The following OLFM3 variants were observed in gnomAD, a reference collection of about 807,000 sequenced individuals.
OLFM3 encodes the protein olfactomedin 3.
OLFM3 carries 20 observed loss-of-function variants against 48.6 expected under a neutral mutation model. That is an observed-to-expected ratio of 0.41 (90% CI 0.29 to 0.60). The LOEUF (loss-of-function observed/expected upper bound fraction) is 0.60, where lower values mean the gene tolerates loss of function less well. Ranked by LOEUF, OLFM3 falls within the 20% of genes least tolerant of loss-of-function variation. The pLI is 0.28. For missense variants in OLFM3, 437 were observed against 544.3 expected (o/e 0.80, Z 1.96); for synonymous variants, 222 against 198.1 (o/e 1.12, Z -1.01).
chr1:101,825,105 A>T lies in OLFM3; in HGVS notation c.513T>A (p.Ile171=). The stretch of plus-strand genomic sequence containing the variant: ...GTAGTTCCTCGTAGTCATAGGCACC[A>T]ATTTCCTCCTGAATACCAGTGAGGA... ...SAVLTGIQEE[I]GAYDYEELHQ... The change falls in exon 4 of 6, where the codon ATT becomes ATA. Residue 171 remains isoleucine, a synonymous_variant. Coordinates refer to ENST00000370103, the MANE Select transcript of OLFM3 (RefSeq NM_058170.4). 1 of 1,614,044 alleles carries T rather than the reference A, an allele frequency of 6.2e-7. No individual in the cohort carries two copies. Among genetic ancestry groups the T allele is most frequent in the Non-Finnish European group, 8.5e-7 (1 of 1,179,964 alleles).
At chr1:101,834,992 A>AT (rs1350654979) in intron 2 of OLFM3, among the ~76,000 whole-genome samples, 2 of 152,094 alleles carry the variant, frequency 1.3e-5, no homozygotes, top group African/African-American at 4.8e-5. Flanking sequence ...CTTTATTTTA[A>AT]TTTTTTCAAC....
intron 1 of OLFM3, among the ~76,000 whole-genome samples, chr1:101,888,252 C>T (rs937357879): frequency 6.6e-6 from 1 of 152,050 alleles, no homozygotes; most frequent in Non-Finnish European, 1.5e-5. Context: ...TCAAACTATG[C>T]TACAAGGCTA....
intron 1 of OLFM3, among the ~76,000 whole-genome samples, chr1:101,946,970 T>C (rs997051070): frequency 1.3e-5 from 2 of 152,162 alleles, no homozygotes; most frequent in African/African-American, 4.8e-5. Flanking sequence ...AAGATAAAAT[T>C]AAGTGCTTTC....
At chr1:101,949,418 A>G (rs971446504) in intron 1 of OLFM3, among the ~76,000 whole-genome samples, 1 of 152,216 alleles carries the variant, frequency 6.6e-6, no homozygotes, top group East Asian at 1.9e-4. Context: ...AAATTGTCTC[A>G]TATACCTTAT....
At chr1:101,989,556 T>A (rs921593139) in intron 1 of OLFM3, among the ~76,000 whole-genome samples, 3 of 152,094 alleles carry the variant, frequency 2.0e-5, no homozygotes, top group Non-Finnish European at 2.9e-5. Flanking sequence ...GTGAGTGGGG[T>A]CTATTCTAGA....
At chr1:101,989,756 G>A (rs369026479) in intron 1 of OLFM3, among the ~76,000 whole-genome samples, 1 of 152,178 alleles carries the variant, frequency 6.6e-6, no homozygotes, top group East Asian at 1.9e-4. Context: ...AGTCTCTACT[G>A]AGAAGAGCAA....
intron 2 of OLFM3, among the ~76,000 whole-genome samples, chr1:101,835,114 AG>A (rs141152145): frequency 0.011 from 1,697 of 152,264 alleles, 32 homozygotes; most frequent in African/African-American, 0.039. Context: ...CTCTCACCTT[AG>A]TTTATATAGA....
intron 1 of OLFM3, among the ~76,000 whole-genome samples, chr1:101,921,933 C>T (rs145467993): frequency 0.01 from 1,569 of 152,140 alleles, 29 homozygotes; most frequent in African/African-American, 0.035. Context: ...GTGGCGGGTG[C>T]CTGTAGTCCC....
chr1:101,816,454 T>C (rs183679988), intron 4 of OLFM3, among the ~76,000 whole-genome samples: 1 of 152,338 alleles, frequency 6.6e-6, no homozygotes, highest in East Asian at 1.9e-4. Flanking sequence ...TGAGTAATCA[T>C]GTGCCTATCT....
chr1:101,813,229 A>T (rs1654155931), intron 4 of OLFM3: 1 of 411,748 alleles, frequency 2.4e-6, no homozygotes, highest in Non-Finnish European at 4.1e-6. Flanking sequence ...AGTGCACTAA[A>T]TATTTGTCAA....
intron 1 of OLFM3, among the ~76,000 whole-genome samples, chr1:101,902,586 G>A (rs1357242656): frequency 6.6e-6 from 1 of 152,060 alleles, no homozygotes; most frequent in African/African-American, 2.4e-5. Flanking sequence ...ATGTTTATAA[G>A]AAAGATGGTC....
chr1:101,850,133 A>G (rs1405087307), intron 1 of OLFM3, among the ~76,000 whole-genome samples: 1 of 121,124 alleles, frequency 8.3e-6, no homozygotes, highest in Non-Finnish European at 1.8e-5. Context: ...ACAGTCCTTC[A>G]AAATAACAAA....
chr1:101,925,978 T>C (rs7550811), intron 1 of OLFM3, among the ~76,000 whole-genome samples: 57,716 of 152,002 alleles, frequency 0.38, 11,930 homozygotes, highest in South Asian at 0.62. Context: ...ATTTTTAAGA[T>C]GAGAACTCTG....
intron 5 of OLFM3, among the ~76,000 whole-genome samples, chr1:101,805,502 G>C (rs953278966): frequency 6.6e-6 from 1 of 151,646 alleles, no homozygotes; most frequent in Non-Finnish European, 1.5e-5. Context: ...TTCTGTAATA[G>C]GACATAAATA....
chr1:101,973,578 G>A (rs76202861), intron 1 of OLFM3, among the ~76,000 whole-genome samples: 2,099 of 152,160 alleles, frequency 0.014, 48 homozygotes, highest in African/African-American at 0.048. Context: ...AACCTTCATA[G>A]AGGCCATGGA....
At chr1:101,812,711 G>T (rs1654128619) in intron 4 of OLFM3, 1 of 986,662 alleles carries the variant, frequency 1.0e-6, no homozygotes. Context: ...GGTTGTTTCG[G>T]CCAAAACTTA....
intron 1 of OLFM3, among the ~76,000 whole-genome samples, chr1:101,990,239 A>G (rs1024192322): frequency 6.6e-6 from 1 of 152,186 alleles, no homozygotes; most frequent in African/African-American, 2.4e-5. Flanking sequence ...CTTTGACCAA[A>G]ATGATGGGCT....
intron 1 of OLFM3, among the ~76,000 whole-genome samples, chr1:101,955,773 CAA>C (rs1409198454): frequency 6.6e-6 from 1 of 151,904 alleles, no homozygotes; most frequent in Non-Finnish European, 1.5e-5. Context: ...TCTCTCAGAT[CAA>C]TATCTTCAGT....
intron 1 of OLFM3, among the ~76,000 whole-genome samples, chr1:101,964,383 T>C (rs1352492491): frequency 1.3e-5 from 2 of 152,178 alleles, no homozygotes; most frequent in African/African-American, 4.8e-5. Context: ...TTTTGGATAA[T>C]GGGATTTTGA....
Sources: gnomAD v4.1 joint callset for allele counts (sites outside exome capture counted in the v4.1 genomes callset) on GRCh38, gnomAD v4.1.1 for gene constraint, MANE v1.5 for transcripts, NCBI Gene and HGNC (gene_info 2026-07-23, HGNC 2026-07-21) for gene names.